Variants in MET observed in about 807,000 individuals in gnomAD.
MET encodes the protein MET proto-oncogene, receptor tyrosine kinase, also known as hepatocyte growth factor receptor.
In MET, 48 loss-of-function variants were observed where a neutral mutation model predicts 133.1. That is an observed-to-expected ratio of 0.36 (90% confidence interval 0.29 to 0.46). MET has a LOEUF of 0.46. Ranked by LOEUF, MET falls within the 20% of genes least tolerant of loss-of-function variation. The pLI, the probability that MET is intolerant of heterozygous loss-of-function variation, is 1.00. For synonymous variants in MET, 628 were observed against 616.5 expected, an observed-to-expected ratio of 1.02 and a Z score of -0.28; for missense variants, 1,442 against 1,695.9, an observed-to-expected ratio of 0.85 and a Z score of 2.63.
At chr7:116,675,957 C>T (rs982476629) in intron 1 of MET, among the ~76,000 whole-genome samples, 9 of 152,040 alleles carry the variant, frequency 5.9e-5, no homozygotes, top group Non-Finnish European at 1.0e-4. Context: ...TAGTATATTC[C>T]GCTTGGGATT....
At chr7:116,725,238 C>G (rs1305708815) in intron 2 of MET, among the ~76,000 whole-genome samples, 2 of 152,048 alleles carry the variant, frequency 1.3e-5, no homozygotes, top group Non-Finnish European at 2.9e-5. Flanking sequence ...AAACCCAAGT[C>G]ACAGACTTGT....
At chr7:116,732,735 A>G (rs550514111) in intron 3 of MET, among the ~76,000 whole-genome samples, 2 of 152,324 alleles carry the variant, frequency 1.3e-5, no homozygotes, top group Non-Finnish European at 2.9e-5. Context: ...GAGAATGATA[A>G]GCTTTTCCTA....
In MET at chr7:116,723,591, T is replaced by G. The variant is rs2033148705; in HGVS notation, c.1201-8077T>G. ...TAGAGTTTCCAGTTTTTCTGTTCTG[T>G]TTTTTTCCCCATCTTTGTGGTTTTA... On this transcript the variant is annotated intron_variant, in intron 2 of 20. Transcript: ENST00000397752. 4.0e-5 allele frequency among the ~76,000 whole-genome samples: 6 copies of G among 151,684 alleles called. No individual in the cohort carries two copies. In the South Asian group the frequency reaches 1.2e-3, roughly 31 times the overall value.
At chr7:116,759,599 T>C (rs1399270343) in intron 10 of MET, 109 bp downstream of exon 10, 2 of 1,253,454 alleles carry the variant, frequency 1.6e-6, no homozygotes, top group Admixed American at 2.0e-5. Context: ...GGTTTGCTAG[T>C]TAATTTCCTT....
chr7:116,730,910 C>A (rs578000565), intron 2 of MET, among the ~76,000 whole-genome samples: 1 of 151,980 alleles, frequency 6.6e-6, no homozygotes, highest in Non-Finnish European at 1.5e-5. Context: ...GTTTTTATTG[C>A]GTGGGAGGTC....
intron 1 of MET, among the ~76,000 whole-genome samples, chr7:116,686,015 C>T (rs1189309346): frequency 6.6e-6 from 1 of 152,120 alleles, no homozygotes; most frequent in Non-Finnish European, 1.5e-5. Context: ...CCTGGAACAC[C>T]ACTGGAGCCT....
chr7:116,723,580 T>C (rs1340606631), intron 2 of MET, among the ~76,000 whole-genome samples: 1 of 152,196 alleles, frequency 6.6e-6, no homozygotes, highest in East Asian at 1.9e-4. Flanking sequence ...GTTTCCAGTT[T>C]TTCTGTTCTG....
rs181083017 is a variant in MET at position 116,791,775 on chromosome 7, T to G, written c.3799-3880T>G. Among the ~76,000 whole-genome samples, 87 of 152,248 alleles carry G rather than the reference T, an allele frequency of 5.7e-4. 1 individual carries two copies. Among genetic ancestry groups the G allele is most frequent in the African/African-American group, 2.0e-3 (82 of 41,558 alleles). ...TGCTTCTTGGGTTCAAGTGATTCTT[T>G]TACCTCAGCCTCGCCAGTAGCTGGG... On this transcript the variant is annotated intron_variant, in intron 19 of 20. Transcript: ENST00000397752.
At chr7:116,684,684 C>T (rs929779047) in intron 1 of MET, among the ~76,000 whole-genome samples, 1 of 152,056 alleles carries the variant, frequency 6.6e-6, no homozygotes, top group Admixed American at 6.5e-5. Context: ...TGGCTTGCTT[C>T]AAGAACTGGA....
intron 19 of MET, 23 bp from the exon 20 acceptor site, chr7:116,795,632 T>C: frequency 6.2e-7 from 1 of 1,613,204 alleles, no homozygotes; most frequent in Non-Finnish European, 8.5e-7. Context: ...TCACCTCATC[T>C]GTCCTGTTTC....
chr7:116,736,639 C>T (rs1166750404), intron 3 of MET, among the ~76,000 whole-genome samples: 1 of 152,148 alleles, frequency 6.6e-6, no homozygotes, highest in African/African-American at 2.4e-5. Flanking sequence ...TTCCCCATGT[C>T]CTATCTACAA....
At chr7:116,701,708 A>T (rs1791589273) in intron 2 of MET, among the ~76,000 whole-genome samples, 1 of 152,138 alleles carries the variant, frequency 6.6e-6, no homozygotes, top group South Asian at 2.1e-4. Context: ...CCTTTTCTTT[A>T]CTAGAAACTA....
intron 16 of MET, 80 bp from the exon 17 acceptor site, chr7:116,778,696 A>G: frequency 1.4e-6 from 2 of 1,439,982 alleles, no homozygotes; most frequent in Non-Finnish European, 1.9e-6. Context: ...TTACCATTTC[A>G]TTGCTCTTCC....
At chr7:116,673,468 G>A (rs552604784) in intron 1 of MET, among the ~76,000 whole-genome samples, 126 of 152,338 alleles carry the variant, frequency 8.3e-4, no homozygotes, top group African/African-American at 2.9e-3. Context: ...GTCCATGAAT[G>A]TGAGAGGATT....
chr7:116,744,008 G>A (rs949547891), intron 5 of MET, among the ~76,000 whole-genome samples: 1 of 151,986 alleles, frequency 6.6e-6, no homozygotes, highest in African/African-American at 2.4e-5. Context: ...CAAAAAGAAC[G>A]TCCACACAAA....
intron 2 of MET, among the ~76,000 whole-genome samples, chr7:116,731,206 C>T (rs1025453048): frequency 6.6e-6 from 1 of 152,128 alleles, no homozygotes; most frequent in Non-Finnish European, 1.5e-5. Context: ...GTGAGTTATC[C>T]GTTAACCACC....
chr7:116,759,936 T>C (rs1794331874), intron 10 of MET, among the ~76,000 whole-genome samples: 1 of 152,116 alleles, frequency 6.6e-6, no homozygotes, highest in Non-Finnish European at 1.5e-5. Context: ...CCATCATGCC[T>C]GGCTAATTTT....
In MET at chr7:116,701,510, A is replaced by G. The variant is rs187110456; in HGVS notation, c.1200+1226A>G. Among the ~76,000 whole-genome samples, 176 of 152,294 alleles carry G rather than the reference A, an allele frequency of 1.2e-3. 1 individual carries two copies. The highest frequency in any genetic ancestry group is 2.2e-3 in the Non-Finnish European group (149 of 68,018). ...ACTATAGTTAACTTTTTATGATGCT[A>G]GGAAAATACTTCCAAGAAAGTCAGT... On this transcript the variant is annotated intron_variant, in intron 2 of 20. Transcript: ENST00000397752.
At chr7:116,745,864 G>A (rs921951210) in intron 5 of MET, among the ~76,000 whole-genome samples, 1 of 152,176 alleles carries the variant, frequency 6.6e-6, no homozygotes, top group Non-Finnish European at 1.5e-5. Context: ...CAGGACATAG[G>A]CGTGGGCAAG....
Sources: allele counts gnomAD v4.1 joint callset (sites outside exome capture counted in the v4.1 genomes callset), GRCh38; gene constraint gnomAD v4.1.1; transcripts MANE v1.5; gene names NCBI Gene and HGNC (gene_info 2026-07-23, HGNC 2026-07-21).